Variants in USP3 observed in about 807,000 individuals in gnomAD.
The protein encoded by USP3 is ubiquitin specific peptidase 3, also known as ubiquitin carboxyl-terminal hydrolase 3.
In USP3, 20 loss-of-function variants were observed where a neutral mutation model predicts 72.3. The observed-to-expected ratio is 0.28, with a 90% CI of 0.19 to 0.40. The LOEUF is 0.40. Ranked by LOEUF, USP3 falls within the 10% of genes least tolerant of loss-of-function variation. The pLI, the probability that USP3 is intolerant of heterozygous loss-of-function variation, is 1.00. For synonymous variants in USP3, 222 were observed against 225.3 expected (o/e 0.99, Z 0.13); for missense variants, 479 against 633.9 (o/e 0.76, Z 2.62).
intron 1 of USP3, among the ~76,000 whole-genome samples, chr15:63,512,326 T>TTCCTCTTCC (rs200732236): frequency 5.8e-5 from 7 of 121,532 alleles, no homozygotes; most frequent in East Asian, 3.9e-4. Context: ...CTTCCTCTTC[T>TTCCTCTTCC]TCCTCTTCCT....
At chr15:63,563,093 T>G in intron 8 of USP3, 85 bp downstream of exon 8, 2 of 894,768 alleles carry the variant, frequency 2.2e-6, no homozygotes, top group Non-Finnish European at 3.2e-6. Context: ...GTGGTTGTAT[T>G]CTAAATATTC....
chr15:63,523,982 C>T (rs2065948584), intron 1 of USP3, among the ~76,000 whole-genome samples: 1 of 152,122 alleles, frequency 6.6e-6, no homozygotes, highest in Non-Finnish European at 1.5e-5. Flanking sequence ...GTTTATGGCA[C>T]TTTCTTAAGA....
intron 1 of USP3, among the ~76,000 whole-genome samples, chr15:63,519,004 A>G (rs1261791995): frequency 2.0e-5 from 3 of 152,146 alleles, no homozygotes; most frequent in East Asian, 1.9e-4. Flanking sequence ...TGACCTCATG[A>G]TCTGCCCGCC....
chr15:63,557,625 C>T (rs538334540), intron 5 of USP3, among the ~76,000 whole-genome samples: 2 of 152,272 alleles, frequency 1.3e-5, no homozygotes, highest in South Asian at 4.1e-4. Context: ...AGGCGCCTGG[C>T]CTCAGGCAGC....
chr15:63,507,701 CTG>C (rs1595697857), intron 1 of USP3, among the ~76,000 whole-genome samples: 2 of 152,176 alleles, frequency 1.3e-5, no homozygotes, highest in South Asian at 4.1e-4. Context: ...ATGGAAGGCA[CTG>C]TGTGTTGGGT....
intron 8 of USP3, 70 bp downstream of exon 8, chr15:63,563,078 A>G (rs2152674370): frequency 1.8e-6 from 2 of 1,121,238 alleles, no homozygotes; most frequent in Non-Finnish European, 2.5e-6. Flanking sequence ...ATAATTCCTA[A>G]TGAAGTGGTT....
chr15:63,542,965 T>C (rs370048094), intron 3 of USP3, among the ~76,000 whole-genome samples: 3 of 152,320 alleles, frequency 2.0e-5, no homozygotes, highest in South Asian at 4.1e-4. Context: ...AGGGGGACTC[T>C]AGTAGAAAAC....
Position 63,532,723 on chromosome 15 carries a change from A to G in USP3, c.152+16A>G. 1 of 1,613,422 alleles carries G rather than the reference A, an allele frequency of 6.2e-7. No individual in the cohort carries two copies. Among genetic ancestry groups the G allele is most frequent in the Non-Finnish European group, 8.5e-7 (1 of 1,179,630 alleles). ...ACTGTGGAAGGTAGGTGACATACTTATTACTTCACTGACCTATTTGCTTTT... is the reference window on the plus strand; with the variant it reads ...ACTGTGGAAGGTAGGTGACATACTTGTTACTTCACTGACCTATTTGCTTTT... On this transcript the variant is annotated intron_variant, in intron 2 of 14. Transcript: ENST00000380324.
Position 63,570,576 on chromosome 15 carries a change from G to A in USP3, c.905G>A (p.Cys302Tyr). ...NSTLSASNKC[C>Y]INGASTVVTA... ...ACTCTGTCTGCAAGTAACAAGTGTTGCATGTAAGATTTAGTTGCCTTCTGT... is the reference window on the plus strand; with the variant it reads ...ACTCTGTCTGCAAGTAACAAGTGTTACATGTAAGATTTAGTTGCCTTCTGT... The change falls in exon 9 of 15, where the codon TGC becomes TAC. Residue 302 changes from cysteine (C) to tyrosine (Y), a missense_variant. Physicochemically the swap from Cys to Tyr is radical, Grantham distance 194. Transcript: ENST00000380324. The surrounding 1 kb of genome is among the most constrained non-coding windows in gnomAD (Gnocchi z 4.4). 3.1e-6 allele frequency: 5 copies of A among 1,608,758 alleles called. No homozygotes were observed. The highest frequency in any genetic ancestry group is 4.2e-6 in the Non-Finnish European group (5 of 1,177,526).
In USP3 at chr15:63,592,334, T is replaced by G. The variant is rs1490624456; in HGVS notation, c.*1508T>G. The stretch of plus-strand genomic sequence containing the variant: ...GTGTTCTAAGACAGTCCTGTGGTGG[T>G]TTTTTTTTTTTCTTTTTTTTGGTTG... On this transcript the variant is annotated 3_prime_UTR_variant, in exon 15 of 15. Transcript: ENST00000380324. The G allele has an allele frequency of 1.5e-4, 2 of 13,536 alleles. No homozygotes were observed. The highest frequency in any genetic ancestry group is 6.1e-4 in the Non-Finnish European group (1 of 1,638). The allele number at this position is 13,536 out of a possible 1,614,324, so 0.8% of individuals were successfully genotyped here.
In USP3 at chr15:63,507,824, A is replaced by T. The variant is rs564487266; in HGVS notation, c.91+2994A>T. On this transcript the variant is annotated intron_variant, in intron 1 of 14. Transcript: ENST00000380324. Reference sequence around the variant, plus strand: ...GCCTTCGTGTAGCTTATATCTGTTGATGATGTTTATTAGAAATTAAAACTG... The same window carrying T: ...GCCTTCGTGTAGCTTATATCTGTTGTTGATGTTTATTAGAAATTAAAACTG... 8.0e-4 allele frequency among the ~76,000 whole-genome samples: 122 copies of T among 152,322 alleles called. 1 individual carries two copies. Among genetic ancestry groups the T allele is most frequent in the Non-Finnish European group, 1.1e-3 (73 of 68,030 alleles).
At chr15:63,525,375 G>C (rs1021284772) in intron 1 of USP3, among the ~76,000 whole-genome samples, 10 of 152,076 alleles carry the variant, frequency 6.6e-5, no homozygotes, top group African/African-American at 2.4e-4. Flanking sequence ...ATCTCCTGTT[G>C]CCCTTTATGA....
intron 4 of USP3, among the ~76,000 whole-genome samples, chr15:63,554,135 A>G (rs2066473474): frequency 6.6e-6 from 1 of 152,176 alleles, no homozygotes; most frequent in Non-Finnish European, 1.5e-5. Flanking sequence ...TCATAGAGTT[A>G]CTTTTGATAA....
intron 4 of USP3, among the ~76,000 whole-genome samples, chr15:63,555,656 A>AT (rs1567112848): frequency 6.6e-6 from 1 of 152,192 alleles, no homozygotes; most frequent in African/African-American, 2.4e-5. Context: ...TAAAGAGCAT[A>AT]TATACTATGC....
Position 63,588,680 on chromosome 15 carries a change from T to C in USP3, c.1216-22T>C, listed in dbSNP as rs2067123581. 1.3e-6 allele frequency: 2 copies of C among 1,563,898 alleles called. No homozygotes were observed. Among genetic ancestry groups the C allele is most frequent in the Admixed American group, 1.7e-5 (1 of 58,870 alleles). Reference sequence around the variant, plus strand: ...AGGTAAATTAGGTGTTCACAATCTTTGACCGCATCTCTGTCCTCCAGGTGC... The same window carrying C: ...AGGTAAATTAGGTGTTCACAATCTTCGACCGCATCTCTGTCCTCCAGGTGC... On this transcript the variant is annotated intron_variant, in intron 12 of 14. Coordinates refer to ENST00000380324, the MANE Select transcript of USP3 (RefSeq NM_006537.4). This position sits in a 1 kb window ranked among gnomAD's most constrained non-coding sequence, Gnocchi z 4.6.
chr15:63,522,602 C>T (rs933438797), intron 1 of USP3, among the ~76,000 whole-genome samples: 2 of 152,076 alleles, frequency 1.3e-5, no homozygotes, highest in African/African-American at 2.4e-5. Context: ...ACCTACTTGT[C>T]CATAAAGATA....
At chr15:63,504,996 A>C (rs1567085641) in intron 1 of USP3, among the ~76,000 whole-genome samples, 166 bp downstream of exon 1, 1 of 150,018 alleles carries the variant, frequency 6.7e-6, no homozygotes, top group Admixed American at 6.6e-5. Flanking sequence ...CGCGTGCGGG[A>C]GCGGCGGCGG....
intron 11 of USP3, chr15:63,587,802 CTT>C (rs905221948): frequency 1.3e-5 from 2 of 152,186 alleles, no homozygotes; most frequent in Non-Finnish European, 2.9e-5. Flanking sequence ...ACAATTACAT[CTT>C]TAAATGAAAA....
At chr15:63,524,804 CTG>C in intron 1 of USP3, among the ~76,000 whole-genome samples, 1 of 152,248 alleles carries the variant, frequency 6.6e-6, no homozygotes, top group Admixed American at 6.5e-5. Flanking sequence ...CAAGAGGGAG[CTG>C]TGGATTTCAT....
Sources: allele counts gnomAD v4.1 joint callset (sites outside exome capture counted in the v4.1 genomes callset), GRCh38; gene constraint gnomAD v4.1.1; non-coding constraint Gnocchi (gnomAD v3.1); transcripts MANE v1.5; gene names NCBI Gene and HGNC (gene_info 2026-07-23, HGNC 2026-07-21).